Variants in HTR2C observed in about 807,000 individuals in gnomAD.
The protein encoded by HTR2C is 5-hydroxytryptamine (serotonin) receptor 2C, G protein-coupled.
Under a neutral mutation model 21.0 loss-of-function variants are expected in HTR2C, and 5 were observed. The ratio of observed to expected loss-of-function variants is 0.24; its 90% CI spans 0.12 to 0.50. The LOEUF (loss-of-function observed/expected upper bound fraction) is 0.50. Ranked by LOEUF, HTR2C falls within the 20% of genes least tolerant of loss-of-function variation. HTR2C has a pLI of 0.98. For synonymous variants in HTR2C, 150 were observed against 145.3 expected (o/e 1.03, Z -0.23); for missense variants, 271 against 371.2 (o/e 0.73, Z 2.22).
At chrX:114,664,312 C>A (rs1931098164) in intron 2 of HTR2C, among the ~76,000 whole-genome samples, 1 of 111,476 alleles carries the variant, frequency 9.0e-6, no homozygotes, top group African/African-American at 3.3e-5. Context: ...CATAGATCAA[C>A]CCATCACCTA....
At chrX:114,671,592 C>T (rs1556411735) in intron 2 of HTR2C, among the ~76,000 whole-genome samples, 1 of 112,014 alleles carries the variant, frequency 8.9e-6, no homozygotes, top group Non-Finnish European at 1.9e-5. Flanking sequence ...TGTATAACAA[C>T]ATGGTGTTTA....
chrX:114,843,942 CAGA>C lies in HTR2C; in HGVS notation c.350-4058_350-4056del, dbSNP rs1421954787. Among the ~76,000 whole-genome samples the C allele has an allele frequency of 2.5e-3, 278 of 110,446 alleles. 1 individual carries two copies. Among genetic ancestry groups the C allele is most frequent in the African/African-American group, 8.7e-3 (265 of 30,453 alleles). Reference sequence around the variant, plus strand: ...AAGAGCAAAAACAAAAACAAAAAATCAGAAGGAGTTAATTACTAGTGGACCTAC... The same window carrying C: ...AAGAGCAAAAACAAAAACAAAAAATCAGGAGTTAATTACTAGTGGACCTAC... On this transcript the variant is annotated intron_variant, in intron 4 of 5. Coordinates refer to ENST00000276198, the MANE Select transcript of HTR2C (RefSeq NM_000868.4).
At chrX:114,878,963 C>T (rs1014134438) in intron 5 of HTR2C, among the ~76,000 whole-genome samples, 2 of 110,515 alleles carry the variant, frequency 1.8e-5, no homozygotes, top group Non-Finnish European at 3.8e-5. Flanking sequence ...TTGTATCTTG[C>T]TATTGTATAA....
chrX:114,724,705 G>A (rs1483189528), intron 2 of HTR2C, among the ~76,000 whole-genome samples: 1 of 107,626 alleles, frequency 9.3e-6, no homozygotes, highest in Non-Finnish European at 1.9e-5. Context: ...TTTTAGGGCA[G>A]GCCTGATGGT....
At chrX:114,689,572 G>A (rs1292965771) in intron 2 of HTR2C, among the ~76,000 whole-genome samples, 2 of 109,532 alleles carry the variant, frequency 1.8e-5, no homozygotes, top group African/African-American at 6.6e-5. Flanking sequence ...AGATGGTATC[G>A]CATTGTGGTT....
intron 2 of HTR2C, among the ~76,000 whole-genome samples, chrX:114,678,071 TCTCTC>T (rs1170706100): frequency 1.8e-5 from 2 of 111,450 alleles, no homozygotes; most frequent in African/African-American, 6.5e-5. Context: ...TGGCCATTCT[TCTCTC>T]CTCTTTCCTG....
chrX:114,828,371 A>G (rs1459081200), intron 4 of HTR2C, among the ~76,000 whole-genome samples: 2 of 111,258 alleles, frequency 1.8e-5, no homozygotes, highest in African/African-American at 6.5e-5. Flanking sequence ...TTCACTGAGC[A>G]TGATTAGGGT....
At chrX:114,602,581 G>T (rs1271825357) in intron 1 of HTR2C, among the ~76,000 whole-genome samples, 1 of 81,756 alleles carries the variant, frequency 1.2e-5, no homozygotes, top group Non-Finnish European at 2.4e-5. Flanking sequence ...AATACTAAGA[G>T]CCCGAAAAAC....
At chrX:114,761,882 TATATATGTGTATATATAC>T (rs2069872282) in intron 4 of HTR2C, among the ~76,000 whole-genome samples, 3 of 108,864 alleles carry the variant, frequency 2.8e-5, no homozygotes, top group Admixed American at 1.9e-4. Context: ...TCTATATATA[TATATATGTGTATATATAC>T]ATATATGTGT....
intron 4 of HTR2C, among the ~76,000 whole-genome samples, chrX:114,843,805 G>A (rs190154767): frequency 2.5e-4 from 28 of 111,527 alleles, no homozygotes; most frequent in Middle Eastern, 4.6e-3. Context: ...CATGGAGGCC[G>A]GAAGCAGTGA....
intron 5 of HTR2C, among the ~76,000 whole-genome samples, chrX:114,882,914 C>G (rs1404876706): frequency 1.8e-5 from 2 of 110,506 alleles, no homozygotes; most frequent in African/African-American, 6.5e-5. Context: ...ATTATTTCTT[C>G]TTTAAACTTT....
intron 2 of HTR2C, among the ~76,000 whole-genome samples, chrX:114,637,126 T>C (rs1021756596): frequency 9.0e-6 from 1 of 111,688 alleles, no homozygotes; most frequent in Admixed American, 9.5e-5. Context: ...TTAAGTGTAT[T>C]TTTTTTTCAG....
intron 5 of HTR2C, among the ~76,000 whole-genome samples, chrX:114,903,034 G>C (rs2071347792): frequency 8.9e-6 from 1 of 112,132 alleles, no homozygotes; most frequent in South Asian, 3.6e-4. Flanking sequence ...AGAAAATGCA[G>C]TTTTAAAGAC....
rs1305462319 is a variant in HTR2C, at chrX:114,793,949, A to G, written c.350-54054A>G. Among the ~76,000 whole-genome samples the G allele has an allele frequency of 4.5e-5, 5 of 110,951 alleles. No individual in the cohort carries two copies. In the East Asian group the frequency reaches 1.4e-3, roughly 32 times the overall value. On this transcript the variant is annotated intron_variant, in intron 4 of 5. Transcript: ENST00000276198. ...GTTAGTGAGTGCTATGAAAAAAAAT[A>G]AAATGGTGAGAATAGCGAGTATCAG...
At chrX:114,760,473 G>A (rs1314596960) in intron 4 of HTR2C, among the ~76,000 whole-genome samples, 3 of 111,338 alleles carry the variant, frequency 2.7e-5, no homozygotes, top group African/African-American at 9.8e-5. Flanking sequence ...GCTTTCATAT[G>A]TGTTATTTAA....
chrX:114,794,424 A>G (rs1445886840), intron 4 of HTR2C, among the ~76,000 whole-genome samples: 2 of 108,372 alleles, frequency 1.8e-5, no homozygotes, highest in African/African-American at 6.7e-5. Context: ...TGTGCACAAC[A>G]TGCAGGTTAG....
chrX:114,712,327 C>A (rs1556419276), intron 2 of HTR2C, among the ~76,000 whole-genome samples: 1 of 111,481 alleles, frequency 9.0e-6, no homozygotes, highest in Non-Finnish European at 1.9e-5. Flanking sequence ...TGATTTGCAC[C>A]AAATACACTG....
intron 4 of HTR2C, among the ~76,000 whole-genome samples, chrX:114,779,895 ATGTATATG>A (rs1302413042): frequency 2.3e-5 from 1 of 44,210 alleles, no homozygotes; most frequent in Non-Finnish European, 5.4e-5. Context: ...TTGGATGTAT[ATGTATATG>A]TGTGTGTGTG....
At chrX:114,644,358 A>ATAT (rs1569480834) in intron 2 of HTR2C, among the ~76,000 whole-genome samples, 5 of 16,517 alleles carry the variant, frequency 3.0e-4, no homozygotes, top group Non-Finnish European at 4.7e-4. Context: ...TAAATAAATA[A>ATAT]ATAAATATAT....
Sources: gnomAD v4.1 joint callset for allele counts (sites outside exome capture counted in the v4.1 genomes callset) on GRCh38, gnomAD v4.1.1 for gene constraint, MANE v1.5 for transcripts, NCBI Gene and HGNC (gene_info 2026-07-23, HGNC 2026-07-21) for gene names.